The following DNASE2 variants were observed in gnomAD, a reference collection of about 807,000 sequenced individuals.
DNASE2 encodes the protein deoxyribonuclease 2, lysosomal.
Under a neutral mutation model 29.8 loss-of-function variants are expected in DNASE2, and 26 were observed. The ratio of observed to expected loss-of-function variants is 0.87; its 90% CI spans 0.64 to 1.21. DNASE2 has a LOEUF of 1.21. Ranked by LOEUF, DNASE2 falls within the 50% of genes most tolerant of loss-of-function variation. The pLI is 0.00. For synonymous variants in DNASE2, 186 were observed against 193.5 expected, an observed-to-expected ratio of 0.96 and a Z score of 0.32; for missense variants, 415 against 455.6, an observed-to-expected ratio of 0.91 and a Z score of 0.81.
chr19:12,875,996 C>T lies in DNASE2; in HGVS notation c.1077G>A (p.Lys359=). The T allele has an allele frequency of 6.2e-7, 1 of 1,613,198 alleles. No homozygotes were observed. Among genetic ancestry groups the T allele is most frequent in the Middle Eastern group, 1.8e-4 (1 of 5,490 alleles). Reference sequence around the variant, plus strand: ...CTGCACCTGGCCATAAGGGTTAGATCTTATAAGCTCTGCTGGGCTTCCTGG... The same window carrying T: ...CTGCACCTGGCCATAAGGGTTAGATTTTATAAGCTCTGCTGGGCTTCCTGG... ...GMARKPSRAY[K]I Residue 359 remains lysine (K), a synonymous_variant, in exon 6 of 6, where the codon AAG becomes AAA. Transcript: ENST00000222219.
Position 12,881,020 on chromosome 19 carries a change from C to T in DNASE2, c.219G>A (p.Gly73=). ...GCGGCTGCAGGCTTCGGCCCACGGC[C>T]CCCTCCGGGCTGTTGATGAGTGCCC... The part of the protein sequence containing the change: ...DGRALINSPE[G]AVGRSLQPLY... Residue 73 remains glycine (G), a synonymous_variant, in exon 2 of 6, where the codon GGG becomes GGA. Transcript: ENST00000222219. 1 of 1,613,944 alleles carries T rather than the reference C, an allele frequency of 6.2e-7. No homozygotes were observed. The highest frequency in any genetic ancestry group is 1.7e-5 in the Admixed American group (1 of 60,026).
At chr19:12,877,976 C>T in intron 5 of DNASE2, 1 of 311,324 alleles carries the variant, frequency 3.2e-6, no homozygotes. Flanking sequence ...TCCCAAGTTG[C>T]TTGGCTAATT....
intron 5 of DNASE2, chr19:12,878,130 G>A (rs1970340239): frequency 1.9e-6 from 1 of 518,726 alleles, no homozygotes; most frequent in South Asian, 2.0e-5. Context: ...ATGACTTACA[G>A]GTACCACTTC....
At chr19:12,878,642 C>G in intron 4 of DNASE2, 28 bp downstream of exon 4, 1 of 1,613,964 alleles carries the variant, frequency 6.2e-7, no homozygotes, top group Non-Finnish European at 8.5e-7. Context: ...AAACCCAGGA[C>G]TCATCCTGTG....
chr19:12,876,395 G>T, intron 5 of DNASE2, 32 bp from the exon 6 acceptor site: 1 of 1,605,490 alleles, frequency 6.2e-7, no homozygotes, highest in Non-Finnish European at 8.5e-7. Context: ...CACAGGTAGG[G>T]TCAGGGCCAC....
intron 5 of DNASE2, among the ~76,000 whole-genome samples, chr19:12,877,695 G>T (rs1419595074): frequency 6.7e-6 from 1 of 150,036 alleles, no homozygotes; most frequent in Non-Finnish European, 1.5e-5. Context: ...ACAGGTGCCC[G>T]CCACCATGCC....
intron 3 of DNASE2, among the ~76,000 whole-genome samples, chr19:12,879,706 C>G (rs1031403644): frequency 6.6e-6 from 1 of 152,136 alleles, no homozygotes; most frequent in African/African-American, 2.4e-5. Flanking sequence ...TGTGGCGGCT[C>G]ATGCCGGTAA....
At chr19:12,877,382 C>T (rs1970333363) in intron 5 of DNASE2, among the ~76,000 whole-genome samples, 2 of 150,444 alleles carry the variant, frequency 1.3e-5, no homozygotes, top group African/African-American at 2.5e-5. Flanking sequence ...GGGGACTACA[C>T]GTGTGTGCCA....
Position 12,881,289 on chromosome 19 carries a change from C to G in DNASE2, c.86+1G>C, listed in dbSNP as rs1970376982. 10 of 1,577,474 alleles carry G rather than the reference C, an allele frequency of 6.3e-6. No individual in the cohort carries two copies. Among genetic ancestry groups the G allele is most frequent in the South Asian group, 2.3e-5 (2 of 87,508 alleles). Reference sequence around the variant, plus strand: ...TGGTAGGCCCCCCGCTGCGCACTCACCAGTCTACAGGCTGCCCGGAGTCCC... The same window carrying G: ...TGGTAGGCCCCCCGCTGCGCACTCAGCAGTCTACAGGCTGCCCGGAGTCCC... On this transcript the variant is annotated splice_donor_variant, in intron 1 of 5. Coordinates refer to ENST00000222219, the MANE Select transcript of DNASE2 (RefSeq NM_001375.3). LOFTEE classifies it high-confidence loss of function.
At position 12,878,419 on chromosome 19, in the gene DNASE2, A is replaced by G. The variant is rs771955952; in HGVS notation, c.672T>C (p.Val224=). ...TGCTGAACTTGGCAAAGCTCTGGAAAACAGCCCCGGCCTGGGATGTGAGTG... is the reference window on the plus strand; with the variant it reads ...TGCTGAACTTGGCAAAGCTCTGGAAGACAGCCCCGGCCTGGGATGTGAGTG... The part of the protein sequence containing the change: ...SITLTSQAGA[V]FQSFAKFSKF... The change falls in exon 5 of 6, where the codon GTT becomes GTC. Residue 224 remains valine, a synonymous_variant. Transcript: ENST00000222219. The G allele has an allele frequency of 2.5e-6, 4 of 1,613,218 alleles. No homozygotes were observed. Among genetic ancestry groups the G allele is most frequent in the Non-Finnish European group, 3.4e-6 (4 of 1,180,028 alleles).
At position 12,881,346 on chromosome 19, in the gene DNASE2, C is replaced by G. The variant is rs745720077; in HGVS notation, c.30G>C (p.Leu10=). The part of the protein sequence containing the change: MIPLLLAAL[L]CVPAGALTCY... ...AGGTCAGGGCCCCGGCGGGGACGCA[C>G]AGCAGCGCTGCCAGCAGCAGCGGGA... Residue 10 remains leucine (L), a synonymous_variant, in exon 1 of 6, where the codon CTG becomes CTC. Coordinates refer to ENST00000222219, the MANE Select transcript of DNASE2 (RefSeq NM_001375.3). 5.7e-6 allele frequency: 9 copies of G among 1,566,048 alleles called. No homozygotes were observed.
Position 12,880,764 on chromosome 19 carries a change from G to A in DNASE2, c.346+38C>T, listed in dbSNP as rs185914551. On this transcript the variant is annotated intron_variant, in intron 3 of 5. Coordinates refer to ENST00000222219, the MANE Select transcript of DNASE2 (RefSeq NM_001375.3). Reference sequence around the variant, plus strand: ...GTCAGGGGTTACCTTGGAAAAATGGGACCCGAGTCTCTCCCCAGCCCCCAA... The same window carrying A: ...GTCAGGGGTTACCTTGGAAAAATGGAACCCGAGTCTCTCCCCAGCCCCCAA... 468 of 1,613,582 alleles carry A rather than the reference G, an allele frequency of 2.9e-4. 1 individual carries two copies. In the African/African-American group the frequency reaches 5.4e-3, roughly 19 times the overall value.
Position 12,881,406 on chromosome 19 carries a change from G to A in DNASE2, c.-31C>T, listed in dbSNP as rs1370013238. The A allele has an allele frequency of 2.6e-6, 4 of 1,549,140 alleles. No homozygotes were observed. Among genetic ancestry groups the A allele is most frequent in the African/African-American group, 1.4e-5 (1 of 73,156 alleles). ...CTATGGGGCTGAGATCCAGGAATCT[G>A]TGTCGGGACTGCGGGGCGCTGGGTT... On this transcript the variant is annotated 5_prime_UTR_variant, in exon 1 of 6. Coordinates refer to ENST00000222219, the MANE Select transcript of DNASE2 (RefSeq NM_001375.3).
rs748298388 is a variant in DNASE2, at chr19:12,881,128, A to T, written c.111T>A (p.Ala37=). ...VDWFVVYKLP[A]LRGSGEAAQR... is the part of the protein sequence containing the mutation. ...GCGCCGCCTCCCCGGACCCTCTAAGAGCTGGCAGCTTGTAGACCACGAACC... is the reference window on the plus strand; with the variant it reads ...GCGCCGCCTCCCCGGACCCTCTAAGTGCTGGCAGCTTGTAGACCACGAACC... Residue 37 remains alanine, a synonymous_variant, in exon 2 of 6, where the codon GCT becomes GCA. Transcript: ENST00000222219. The T allele has an allele frequency of 3.7e-6, 6 of 1,611,856 alleles. No individual in the cohort carries two copies. Among genetic ancestry groups the T allele is most frequent in the Non-Finnish European group, 5.1e-6 (6 of 1,179,988 alleles).
chr19:12,876,884 G>A (rs1599596408), intron 5 of DNASE2, among the ~76,000 whole-genome samples: 1 of 151,566 alleles, frequency 6.6e-6, no homozygotes, highest in African/African-American at 2.4e-5. Flanking sequence ...GTGCAGTGGT[G>A]TAATCTCGGC....
In DNASE2 at chr19:12,876,299, T is replaced by C. The variant is rs144732069; in HGVS notation, c.774A>G (p.Lys258=). 226 of 1,614,030 alleles carry C rather than the reference T, an allele frequency of 1.4e-4. No individual in the cohort carries two copies. The highest frequency in any genetic ancestry group is 1.9e-4 in the Non-Finnish European group (221 of 1,180,006). The change falls in exon 6 of 6, where the codon AAA becomes AAG. Residue 258 remains lysine (K), a synonymous_variant. Transcript: ENST00000222219. ...AGTTAGAGGGCAGGATGCCTACAGTTTTGTGCCAGAACTGGACCTGCAGGT... is the reference window on the plus strand; with the variant it reads ...AGTTAGAGGGCAGGATGCCTACAGTCTTGTGCCAGAACTGGACCTGCAGGT... The part of the protein sequence containing the change: ...GTNLQVQFWH[K]TVGILPSNCS...
At position 12,878,742 on chromosome 19, in the gene DNASE2, G is replaced by A; in HGVS notation, c.439C>T (p.Pro147Ser). ...PPASSAAYSW[P>S]HSACTYGQTL... ...TGCCCGTAGGTACAGGCGCTATGAG[G>A]CCAGCTGTATGCAGCAGAGGAGGCC... The change falls in exon 4 of 6, where the codon CCT becomes TCT. Residue 147 changes from proline (P) to serine (S), a missense_variant. By Grantham distance (74) the Pro-to-Ser change is moderately conservative. Coordinates refer to ENST00000222219, the MANE Select transcript of DNASE2 (RefSeq NM_001375.3). 6.2e-7 allele frequency: 1 copy of A among 1,614,104 alleles called. No individual in the cohort carries two copies. The highest frequency in any genetic ancestry group is 8.5e-7 in the Non-Finnish European group (1 of 1,180,012).
In DNASE2 at chr19:12,878,757, C is replaced by A; in HGVS notation, c.424G>T (p.Ala142Ser). Residue 142 changes from alanine to serine, a missense_variant, in exon 4 of 6, where the codon GCT becomes TCT. By Grantham distance (99) the Ala-to-Ser change is moderately conservative. Coordinates refer to ENST00000222219, the MANE Select transcript of DNASE2 (RefSeq NM_001375.3). ...VPNFPPPASS[A>S]AYSWPHSACT... ...GCGCTATGAGGCCAGCTGTATGCAG[C>A]AGAGGAGGCCGGTGGAGGGAAGTTA... The A allele has an allele frequency of 6.2e-7, 1 of 1,614,072 alleles. No homozygotes were observed. The highest frequency in any genetic ancestry group is 1.1e-5 in the South Asian group (1 of 91,074).
rs1970307932 is a variant in DNASE2 at position 12,875,501 on chromosome 19, C to T, written c.*489G>A. On this transcript the variant is annotated 3_prime_UTR_variant, in exon 6 of 6. Coordinates refer to ENST00000222219, the MANE Select transcript of DNASE2 (RefSeq NM_001375.3). ...CTGCCTCCCGAGTTCAAGCGATTCT[C>T]CTGCCTCAGCCTCCCGAGGAGCTAG... The T allele has an allele frequency of 6.1e-6, 1 of 164,704 alleles. No individual in the cohort carries two copies. Among genetic ancestry groups the T allele is most frequent in the Non-Finnish European group, 1.3e-5 (1 of 75,080 alleles). 10.2% of individuals were successfully genotyped at this position (164,704 alleles called of 1,614,324 possible). A position where few individuals can be genotyped will look rare whatever the true frequency, so the allele number is the denominator to read the frequency against.
Sources: allele counts gnomAD v4.1 joint callset (sites outside exome capture counted in the v4.1 genomes callset), GRCh38; gene constraint gnomAD v4.1.1; transcripts MANE v1.5; gene names NCBI Gene and HGNC (gene_info 2026-07-23, HGNC 2026-07-21).